ADGRD1: variants seen among roughly 807,000 people sequenced by gnomAD.
ADGRD1 encodes G-protein coupled receptor 133.
ADGRD1 carries 77 observed loss-of-function variants against 113.4 expected under a neutral mutation model. The observed-to-expected ratio is 0.68, with a 90% confidence interval of 0.57 to 0.82. ADGRD1 has a LOEUF of 0.82. Ranked by LOEUF, ADGRD1 falls within the 40% of genes least tolerant of loss-of-function variation. ADGRD1 has a pLI of 0.00. For missense variants in ADGRD1, 1,036 were observed against 1,139.1 expected, an observed-to-expected ratio of 0.91 and a Z score of 1.30; for synonymous variants, 474 against 475.0, an observed-to-expected ratio of 1.00 and a Z score of 0.03.
At chr12:131,138,638 C>T (rs1376960072) in intron 24 of ADGRD1, among the ~76,000 whole-genome samples, 2 of 152,158 alleles carry the variant, frequency 1.3e-5, no homozygotes, top group South Asian at 4.1e-4. Flanking sequence ...GTCCCATCCT[C>T]AGGAAGTCCT....
At chr12:131,040,885 A>G (rs1882063635) in intron 13 of ADGRD1, among the ~76,000 whole-genome samples, 1 of 152,244 alleles carries the variant, frequency 6.6e-6, no homozygotes, top group Non-Finnish European at 1.5e-5. Flanking sequence ...ACAGTGGCCA[A>G]TATTTACATC....
intron 8 of ADGRD1, chr12:130,994,052 C>T (rs1874825083): frequency 4.2e-6 from 1 of 239,532 alleles, no homozygotes; most frequent in Non-Finnish European, 9.0e-6. Context: ...GGGCCAATCA[C>T]TAACCAAGGG....
chr12:130,973,994 T>C (rs1263491235), intron 4 of ADGRD1, among the ~76,000 whole-genome samples: 1 of 152,190 alleles, frequency 6.6e-6, no homozygotes, highest in Non-Finnish European at 1.5e-5. Context: ...GGTGAGAGGC[T>C]GCTCTCGTGA....
chr12:131,002,662 A>G, intron 9 of ADGRD1: 7 of 1,142,330 alleles, frequency 6.1e-6, no homozygotes, highest in Non-Finnish European at 7.6e-6. Context: ...CAGAAAGGAA[A>G]GAGGGCTCTT....
At chr12:131,012,554 C>A (rs1264592221) in intron 12 of ADGRD1, among the ~76,000 whole-genome samples, 1 of 152,160 alleles carries the variant, frequency 6.6e-6, no homozygotes, top group African/African-American at 2.4e-5. Context: ...AATAATTCTG[C>A]GTGCTTCTTG....
chr12:131,103,432 G>A (rs571212728), intron 15 of ADGRD1, among the ~76,000 whole-genome samples: 27 of 152,360 alleles, frequency 1.8e-4, no homozygotes, highest in South Asian at 4.1e-4. Flanking sequence ...CCAGCCCCAC[G>A]CACCCAGGAA....
intron 3 of ADGRD1, chr12:130,968,552 T>C (rs992284032): frequency 6.0e-6 from 1 of 165,740 alleles, no homozygotes; most frequent in African/African-American, 2.4e-5. Context: ...TTTGTCCATT[T>C]GTCATCATCT....
intron 15 of ADGRD1, among the ~76,000 whole-genome samples, chr12:131,102,381 A>T (rs541826595): frequency 6.6e-6 from 1 of 152,336 alleles, no homozygotes; most frequent in East Asian, 1.9e-4. Context: ...TGTTTTGCCA[A>T]ACATACTCGG....
rs373035322 is a variant in ADGRD1 at position 131,104,416 on chromosome 12, C to T, written c.1672-415C>T. ...GGGGTCATTATTTTCATTTCACAGC[C>T]GAGTGTCACATGGCCCAGATTGTCA... On this transcript the variant is annotated intron_variant, in intron 15 of 24. Coordinates refer to ENST00000261654, the MANE Select transcript of ADGRD1 (RefSeq NM_198827.5). 7.2e-5 allele frequency among the ~76,000 whole-genome samples: 11 copies of T among 152,288 alleles called. No homozygotes were observed. The East Asian group carries it at 2.1e-3, about 29-fold the overall frequency.
intron 15 of ADGRD1, among the ~76,000 whole-genome samples, chr12:131,085,218 G>A (rs566782797): frequency 1.8e-4 from 28 of 152,316 alleles, no homozygotes; most frequent in Middle Eastern, 6.8e-3. Context: ...AGGAGACAGC[G>A]GGGAGCGGGG....
At chr12:131,098,128 C>CTGGGCCTCACCGCCTT (rs1887427355) in intron 15 of ADGRD1, among the ~76,000 whole-genome samples, 2 of 21,456 alleles carry the variant, frequency 9.3e-5, no homozygotes, top group East Asian at 0.042. Context: ...CTCCCACTGT[C>CTGGGCCTCACCGCCTT]CTCCCGCGGT....
Position 131,017,962 on chromosome 12 carries a change from G to A in ADGRD1, c.1473+3622G>A, listed in dbSNP as rs1405158674. Among the ~76,000 whole-genome samples the A allele has an allele frequency of 7.9e-5, 12 of 152,002 alleles. No homozygotes were observed. The East Asian group carries it at 2.1e-3, about 27-fold the overall frequency. ...CAGTACACACCCAGTGCATGTACCT[G>A]CATCCAGCACCCATATAGGCACATA... On this transcript the variant is annotated intron_variant, in intron 13 of 24. Coordinates refer to ENST00000261654, the MANE Select transcript of ADGRD1 (RefSeq NM_198827.5).
At position 131,138,212 on chromosome 12, in the gene ADGRD1, C is replaced by A. The variant is rs1951147079; in HGVS notation, c.2512C>A (p.Pro838Thr). Residue 838 changes from proline (P) to threonine (T), a missense_variant, in exon 24 of 25, where the codon CCC becomes ACC. Physicochemically the swap from Pro to Thr is conservative, Grantham distance 38. Coordinates refer to ENST00000261654, the MANE Select transcript of ADGRD1 (RefSeq NM_198827.5). ...SSSARTSNAK[P>T]FHSDLMNGTR... ...CTCTGCCCGCACCTCCAACGCGAAGCCCTTCCACTCGGACCTCGTGAGTGC... is the reference window on the plus strand; with the variant it reads ...CTCTGCCCGCACCTCCAACGCGAAGACCTTCCACTCGGACCTCGTGAGTGC... 2 of 1,613,524 alleles carry A rather than the reference C, an allele frequency of 1.2e-6. No individual in the cohort carries two copies. Among genetic ancestry groups the A allele is most frequent in the African/African-American group, 1.3e-5 (1 of 75,068 alleles).
chr12:130,986,259 C>T (rs1873657492), intron 5 of ADGRD1, among the ~76,000 whole-genome samples: 1 of 152,186 alleles, frequency 6.6e-6, no homozygotes, highest in African/African-American at 2.4e-5. Context: ...ATCTTCACAA[C>T]ATTGAGTCTT....
intron 13 of ADGRD1, among the ~76,000 whole-genome samples, chr12:131,045,149 G>A (rs1882553816): frequency 6.6e-6 from 1 of 152,232 alleles, no homozygotes; most frequent in Non-Finnish European, 1.5e-5. Context: ...ACCCGCGGGC[G>A]CATTGGGCAT....
Position 130,994,931 on chromosome 12 carries a change from C to T in ADGRD1, c.966+2539C>T, listed in dbSNP as rs540101576. 5.3e-5 allele frequency among the ~76,000 whole-genome samples: 8 copies of T among 152,310 alleles called. No homozygotes were observed. The East Asian group carries it at 1.5e-3, about 29-fold the overall frequency. On this transcript the variant is annotated intron_variant, in intron 8 of 24. Coordinates refer to ENST00000261654, the MANE Select transcript of ADGRD1 (RefSeq NM_198827.5). ...CCTAAAGGTCACTCCTCAGAACCTT[C>T]TAGAAGTGTGTGTCCTGCCCTAGGG... is the stretch of plus-strand genomic sequence containing the variant.
At chr12:130,990,213 C>T (rs1037248192) in intron 6 of ADGRD1, 4 of 152,220 alleles carry the variant, frequency 2.6e-5, no homozygotes, top group African/African-American at 9.7e-5. Context: ...CAGCGCCACA[C>T]CTTCTGCGTT....
chr12:131,089,347 G>A (rs1324231576), intron 15 of ADGRD1, among the ~76,000 whole-genome samples: 1 of 152,222 alleles, frequency 6.6e-6, no homozygotes, highest in Non-Finnish European at 1.5e-5. Context: ...TTCAGGGAAC[G>A]GGGAACGTCT....
chr12:131,123,785 G>A (rs1950667973), intron 20 of ADGRD1, among the ~76,000 whole-genome samples: 1 of 149,892 alleles, frequency 6.7e-6, no homozygotes, highest in South Asian at 2.1e-4. Context: ...TTGCGCCACT[G>A]CACTCCATCC....
Sources: gnomAD v4.1 joint callset for allele counts (sites outside exome capture counted in the v4.1 genomes callset) on GRCh38, gnomAD v4.1.1 for gene constraint, MANE v1.5 for transcripts, NCBI Gene and HGNC (gene_info 2026-07-23, HGNC 2026-07-21) for gene names.